GFOD1: variants seen among roughly 807,000 people sequenced by gnomAD.
GFOD1 encodes glucose-fructose oxidoreductase domain-containing protein 1.
A neutral mutation model predicts 25.4 loss-of-function variants in GFOD1; 9 were observed. The ratio of observed to expected loss-of-function variants is 0.35; its 90% CI spans 0.21 to 0.62. GFOD1 has a LOEUF of 0.62. Ranked by LOEUF, GFOD1 falls within the 20% of genes least tolerant of loss-of-function variation. The probability of loss-of-function intolerance (pLI) is 0.72; values close to 1 mark genes in which losing one functional copy is unlikely to be tolerated. For synonymous variants in GFOD1, 253 were observed against 245.6 expected (o/e 1.03, Z -0.28); for missense variants, 403 against 556.9 (o/e 0.72, Z 2.78).
At chr6:13,457,815 T>C (rs1034864766) in intron 1 of GFOD1, among the ~76,000 whole-genome samples, 1 of 152,204 alleles carries the variant, frequency 6.6e-6, no homozygotes, top group African/African-American at 2.4e-5. Context: ...CTTGGCTCAG[T>C]GTGCTCTTCA....
At chr6:13,451,054 A>C (rs907266040) in intron 1 of GFOD1, among the ~76,000 whole-genome samples, 1 of 152,196 alleles carries the variant, frequency 6.6e-6, no homozygotes, top group Non-Finnish European at 1.5e-5. Flanking sequence ...GGCTGGCCCC[A>C]TGTGATGCAA....
chr6:13,428,013 C>A (rs560781347), intron 1 of GFOD1, among the ~76,000 whole-genome samples: 26 of 152,314 alleles, frequency 1.7e-4, no homozygotes, highest in Admixed American at 1.4e-3. Flanking sequence ...AACACCTCCA[C>A]GCCTGGCTGG....
intron 1 of GFOD1, among the ~76,000 whole-genome samples, chr6:13,467,953 T>C (rs2127576696): frequency 6.6e-6 from 1 of 152,320 alleles, no homozygotes; most frequent in Non-Finnish European, 1.5e-5. Flanking sequence ...AACAAGTACC[T>C]GCAGCTGGGA....
At chr6:13,465,089 C>T (rs2434394) in intron 1 of GFOD1, among the ~76,000 whole-genome samples, 139,759 of 152,154 alleles carry the variant, frequency 0.92, 65,320 homozygotes, top group East Asian at 1. Context: ...CACATTTTTG[C>T]AAACAATTAC....
intron 1 of GFOD1, among the ~76,000 whole-genome samples, chr6:13,388,634 A>T (rs983671411): frequency 2.0e-5 from 3 of 152,258 alleles, no homozygotes; most frequent in African/African-American, 7.2e-5. Context: ...AAAGACTTAA[A>T]TGTAAGACCT....
At chr6:13,453,279 CATCACTTTA>C (rs1268200932) in intron 1 of GFOD1, among the ~76,000 whole-genome samples, 5 of 152,230 alleles carry the variant, frequency 3.3e-5, no homozygotes, top group Admixed American at 6.5e-5. Flanking sequence ...TCTATTATTG[CATCACTTTA>C]TGTCTCTGTC....
intron 1 of GFOD1, among the ~76,000 whole-genome samples, chr6:13,467,763 G>C (rs1416199409): frequency 2.0e-5 from 3 of 152,174 alleles, no homozygotes; most frequent in African/African-American, 7.2e-5. Context: ...CACAAGGTTA[G>C]AAATACAAAT....
At chr6:13,414,359 G>A (rs1786129164) in intron 1 of GFOD1, among the ~76,000 whole-genome samples, 1 of 152,236 alleles carries the variant, frequency 6.6e-6, no homozygotes, top group Non-Finnish European at 1.5e-5. Context: ...GGAAGCACTG[G>A]GCAGAGTCGG....
At chr6:13,452,845 C>G (rs1231114916) in intron 1 of GFOD1, among the ~76,000 whole-genome samples, 1 of 152,196 alleles carries the variant, frequency 6.6e-6, no homozygotes, top group Non-Finnish European at 1.5e-5. Context: ...AGCTTTGGGA[C>G]TGGAGCACAC....
chr6:13,429,610 G>A (rs990589579), intron 1 of GFOD1, among the ~76,000 whole-genome samples: 6 of 152,242 alleles, frequency 3.9e-5, no homozygotes, highest in African/African-American at 1.2e-4. Context: ...AGACACTGGC[G>A]CTCTAAGAAA....
rs145076185 is a variant in GFOD1, at chr6:13,397,242, C to T, written c.254-31580G>A. Among the ~76,000 whole-genome samples the T allele has an allele frequency of 7.8e-3, 1,193 of 152,260 alleles. 14 individuals are homozygous for T. Among genetic ancestry groups the T allele is most frequent in the African/African-American group, 0.027 (1,105 of 41,560 alleles). ...GTGCAAGCCATGGCGCCCAGCAAGA[C>T]AGATTCTTAATAAAGTAAAACAAAG... On this transcript the variant is annotated intron_variant, in intron 1 of 1. Transcript: ENST00000379287.
intron 1 of GFOD1, among the ~76,000 whole-genome samples, chr6:13,377,219 A>G (rs976919306): frequency 3.9e-5 from 6 of 152,146 alleles, no homozygotes; most frequent in African/African-American, 1.4e-4. Flanking sequence ...TCTCTAGTGC[A>G]TTGCTGTCCT....
At chr6:13,464,894 G>C (rs373575331) in intron 1 of GFOD1, among the ~76,000 whole-genome samples, 14 of 69,552 alleles carry the variant, frequency 2.0e-4, no homozygotes, top group Non-Finnish European at 3.4e-4. Context: ...GTGTGTGTGT[G>C]TGTGTGTGTG....
Position 13,422,665 on chromosome 6 carries a change from G to A in GFOD1, c.254-57003C>T, listed in dbSNP as rs201594313. Among the ~76,000 whole-genome samples the A allele has an allele frequency of 5.9e-5, 9 of 152,286 alleles. No homozygotes were observed. The East Asian group carries it at 1.2e-3, about 20-fold the overall frequency. The stretch of plus-strand genomic sequence containing the variant: ...AAAAAAGGAATGAAAAAAGAAACCC[G>A]TGTCCCCCTCCATTCAGATCATTTC... On this transcript the variant is annotated intron_variant, in intron 1 of 1. Coordinates refer to ENST00000379287, the MANE Select transcript of GFOD1 (RefSeq NM_018988.4).
At chr6:13,408,081 G>A (rs1242426512) in intron 1 of GFOD1, 6 of 985,310 alleles carry the variant, frequency 6.1e-6, no homozygotes, top group African/African-American at 3.5e-5. Context: ...GCAGAAGAAC[G>A]TGGCTGAGAG....
At chr6:13,450,615 C>G (rs1027270883) in intron 1 of GFOD1, among the ~76,000 whole-genome samples, 8 of 152,176 alleles carry the variant, frequency 5.3e-5, no homozygotes, top group African/African-American at 1.9e-4. Flanking sequence ...GCAGTGGCTA[C>G]AGATGTGAAG....
rs75655032 is a variant in GFOD1, at chr6:13,397,427, G to A, written c.254-31765C>T. ...CTCCATCTGAGGACTCGGGCCTGCC[G>A]TGAGAAAGTGATCTGCATCTTCACT... On this transcript the variant is annotated intron_variant, in intron 1 of 1. Transcript: ENST00000379287. Among the ~76,000 whole-genome samples, 160 of 152,332 alleles carry A rather than the reference G, an allele frequency of 1.1e-3. 1 individual carries two copies. In the East Asian group the frequency reaches 0.013, roughly 12 times the overall value.
At chr6:13,465,473 AT>A (rs1364453290) in intron 1 of GFOD1, among the ~76,000 whole-genome samples, 4 of 152,228 alleles carry the variant, frequency 2.6e-5, no homozygotes, top group Admixed American at 6.5e-5. Context: ...CAGAATCTGC[AT>A]TTTAACAGAT....
chr6:13,432,477 G>A (rs1051629371), intron 1 of GFOD1, among the ~76,000 whole-genome samples: 3 of 151,950 alleles, frequency 2.0e-5, no homozygotes, highest in African/African-American at 7.2e-5. Flanking sequence ...CAAAGTGCTA[G>A]GATTACGGTG....
Sources: allele counts gnomAD v4.1 joint callset (sites outside exome capture counted in the v4.1 genomes callset), GRCh38; gene constraint gnomAD v4.1.1; transcripts MANE v1.5; gene names NCBI Gene and HGNC (gene_info 2026-07-23, HGNC 2026-07-21).